Variants in NOTCH3 observed in about 807,000 individuals in gnomAD.
The protein encoded by NOTCH3 is neurogenic locus notch homolog protein 3.
In NOTCH3, 86 loss-of-function variants were observed where a neutral mutation model predicts 213.3. That is an observed-to-expected ratio of 0.40 (90% CI 0.34 to 0.48). NOTCH3 has a LOEUF of 0.48. Among genes scored for constraint, NOTCH3 ranks in the 20% least tolerant of loss-of-function variants. NOTCH3 has a pLI of 0.57. For missense variants in NOTCH3, 2,783 were observed against 3,272.6 expected, an observed-to-expected ratio of 0.85 and a Z score of 3.65; for synonymous variants, 1,354 against 1,355.9, an observed-to-expected ratio of 1.00 and a Z score of 0.03.
In NOTCH3 at chr19:15,175,767, A is replaced by AG. The variant is rs568060092; in HGVS notation, c.4404-1368dup. Among the ~76,000 whole-genome samples the AG allele has an allele frequency of 3.1e-3, 468 of 151,492 alleles. 1 individual carries two copies. The highest frequency in any genetic ancestry group is 0.01 in the Middle Eastern group (3 of 292). Reference sequence around the variant, plus strand: ...GGTGAGGGAGGAGCCATGTGGGGGAAGGGAACAGCCAGGCAGTAGGAACAG... The same window carrying AG: ...GGTGAGGGAGGAGCCATGTGGGGGAAGGGGAACAGCCAGGCAGTAGGAACAG... On this transcript the variant is annotated intron_variant, in intron 24 of 32. Transcript: ENST00000263388.
intron 3 of NOTCH3, 33 bp from the exon 4 acceptor site, chr19:15,192,331 T>C (rs1310821477): frequency 6.2e-7 from 1 of 1,612,184 alleles, no homozygotes; most frequent in Non-Finnish European, 8.5e-7. Context: ...AGTTTAGGAC[T>C]GACCACACCC....
Position 15,162,445 on chromosome 19 carries a change from G to C in NOTCH3, c.5913+20C>G. 1 of 1,582,744 alleles carries C rather than the reference G, an allele frequency of 6.3e-7. No individual in the cohort carries two copies. The highest frequency in any genetic ancestry group is 2.2e-5 in the East Asian group (1 of 44,754). ...ACTGTGCCACTGCTGACACCCAGTGGACCAAGGGCTGGGGCTCACCTTGCT... is the reference window on the plus strand; with the variant it reads ...ACTGTGCCACTGCTGACACCCAGTGCACCAAGGGCTGGGGCTCACCTTGCT... On this transcript the variant is annotated intron_variant, in intron 32 of 32. Transcript: ENST00000263388.
intron 19 of NOTCH3, 108 bp from the exon 20 acceptor site, chr19:15,180,364 G>A (rs2046829299): frequency 8.2e-6 from 10 of 1,226,258 alleles, no homozygotes; most frequent in South Asian, 1.3e-5. Flanking sequence ...CCCCAGGATC[G>A]CACCCACACT....
At position 15,185,427 on chromosome 19, in the gene NOTCH3, C is replaced by T. The variant is rs1599387012; in HGVS notation, c.2145-19G>A. 1.2e-6 allele frequency: 2 copies of T among 1,611,760 alleles called. No homozygotes were observed. Among genetic ancestry groups the T allele is most frequent in the Non-Finnish European group, 1.7e-6 (2 of 1,179,084 alleles). On this transcript the variant is annotated intron_variant, in intron 13 of 32. Transcript: ENST00000263388. The surrounding 1 kb of genome is among the most constrained non-coding windows in gnomAD (Gnocchi z 4.2). Reference sequence around the variant, plus strand: ...GCGGAACCTGGCAGGGGAAGGTAGTCAGGCCAGGGAGGTGGGCCAGGGAGA... The same window carrying T: ...GCGGAACCTGGCAGGGGAAGGTAGTTAGGCCAGGGAGGTGGGCCAGGGAGA...
At chr19:15,184,125 G>A (rs190230811) in intron 16 of NOTCH3, among the ~76,000 whole-genome samples, 170 bp downstream of exon 16, 34 of 150,928 alleles carry the variant, frequency 2.3e-4, no homozygotes, top group South Asian at 4.2e-4. Flanking sequence ...CGTTCCATGG[G>A]CTTGCACAAG....
intron 1 of NOTCH3, among the ~76,000 whole-genome samples, chr19:15,199,956 T>C (rs952711563): frequency 2.0e-5 from 3 of 151,376 alleles, no homozygotes; most frequent in Non-Finnish European, 4.4e-5. Context: ...TCCCGCTTTG[T>C]CTGGCAAAGA....
intron 31 of NOTCH3, 119 bp from the exon 32 acceptor site, chr19:15,162,681 T>A: frequency 1.4e-6 from 1 of 740,190 alleles, no homozygotes; most frequent in Non-Finnish European, 2.4e-6. Flanking sequence ...CTGCCGTGAA[T>A]ATCCAAGTAC....
Position 15,162,446 on chromosome 19 carries a change from A to G in NOTCH3, c.5913+19T>C, listed in dbSNP as rs770681457. ...CTGTGCCACTGCTGACACCCAGTGG[A>G]CCAAGGGCTGGGGCTCACCTTGCTA... On this transcript the variant is annotated intron_variant, in intron 32 of 32. Transcript: ENST00000263388. 6.3e-7 allele frequency: 1 copy of G among 1,588,330 alleles called. No homozygotes were observed. The highest frequency in any genetic ancestry group is 1.1e-5 in the South Asian group (1 of 90,554).
chr19:15,192,397 C>T lies in NOTCH3; in HGVS notation c.320G>A (p.Arg107Gln), dbSNP rs779797350. ...VVAGTARFSC[R>Q]CPRGFRGPDC... ...CTCACCTCGGAAGCCACGGGGGCAC[C>T]GGCATGAGAATCGGGCGGTGCCAGC... The change falls in exon 3 of 33, where the codon CGG (arginine) becomes CAG (glutamine). Residue 107 changes from arginine to glutamine, a missense_variant. By Grantham distance (43) the Arg-to-Gln change is conservative. Transcript: ENST00000263388. 22 of 1,612,768 alleles carry T rather than the reference C, an allele frequency of 1.4e-5. No homozygotes were observed. Among genetic ancestry groups the T allele is most frequent in the Middle Eastern group, 1.6e-4 (1 of 6,080 alleles).
At chr19:15,176,080 C>G (rs1332900037) in intron 24 of NOTCH3, among the ~76,000 whole-genome samples, 1 of 151,126 alleles carries the variant, frequency 6.6e-6, no homozygotes, top group East Asian at 1.9e-4. Context: ...AAAAAGAGTG[C>G]ATGGATGGAC....
In NOTCH3 at chr19:15,191,613, T is replaced by A; in HGVS notation, c.847A>T (p.Asn283Tyr). 6.2e-7 allele frequency: 1 copy of A among 1,613,262 alleles called. No individual in the cohort carries two copies. Among genetic ancestry groups the A allele is most frequent in the Non-Finnish European group, 8.5e-7 (1 of 1,179,994 alleles). Residue 283 changes from asparagine (N) to tyrosine (Y), a missense_variant, in exon 6 of 33, where the codon AAC (asparagine) becomes TAC (tyrosine). Coordinates refer to ENST00000263388, the MANE Select transcript of NOTCH3 (RefSeq NM_000435.3). ...CAGGTACCCCCATTGTGGCAGGCGT[T>A]GGGCTGCAGCTGACACTCATCCACG... ...EDVDECQLQPNACHNGGTCFN... is the reference protein window; with the variant it reads ...EDVDECQLQPYACHNGGTCFN...
chr19:15,178,335 A>G (rs2046809919), intron 23 of NOTCH3: 2 of 497,610 alleles, frequency 4.0e-6, no homozygotes, highest in Non-Finnish European at 7.1e-6. Context: ...ACGCCCCCCA[A>G]TCACCATCCT....
Position 15,161,402 on chromosome 19 carries a change from C to T in NOTCH3, c.6226G>A (p.Gly2076Arg). 3.3e-6 allele frequency: 5 copies of T among 1,523,974 alleles called. No individual in the cohort carries two copies. Among genetic ancestry groups the T allele is most frequent in the Non-Finnish European group, 4.4e-6 (5 of 1,136,084 alleles). 94.4% of individuals were successfully genotyped at this position (1,523,974 alleles called of 1,614,324 possible). A position where few individuals can be genotyped will look rare whatever the true frequency, so the allele number is the denominator to read the frequency against. The change falls in exon 33 of 33, where the codon GGG becomes AGG. Residue 2076 changes from glycine (G) to arginine (R), a missense_variant. Gly to Arg is a moderately radical substitution (Grantham distance 125). Transcript: ENST00000263388. ...AGCTTCTTGCCCCGCCCCCGGGGCC[C>T]CTGCGGCCCCAGCCCCGCCTTCCCG... ...PPGKAGLGPQ[G>R]PRGRGKKLTL...
chr19:15,188,942 C>T (rs1342636386), intron 8 of NOTCH3, 47 bp downstream of exon 8: 1 of 1,569,770 alleles, frequency 6.4e-7, no homozygotes, highest in Non-Finnish European at 8.6e-7. Flanking sequence ...GCTTCTCTGT[C>T]CCCGCCCCCT....
intron 6 of NOTCH3, among the ~76,000 whole-genome samples, chr19:15,190,274 AAAAAT>A (rs140836449): frequency 0.014 from 2,143 of 152,302 alleles, 31 homozygotes; most frequent in African/African-American, 0.048. Context: ...ACTCTGTCTC[AAAAAT>A]AAAATAAAAT....
intron 25 of NOTCH3, among the ~76,000 whole-genome samples, chr19:15,172,572 C>A (rs1053012739): frequency 5.3e-5 from 8 of 152,088 alleles, no homozygotes; most frequent in Middle Eastern, 3.2e-3. Context: ...AGACCCACCC[C>A]TCTCAGGTCT....
chr19:15,165,485 C>T lies in NOTCH3; in HGVS notation c.5698G>A (p.Asp1900Asn), dbSNP rs2046678282. 4 of 1,612,836 alleles carry T rather than the reference C, an allele frequency of 2.5e-6. No individual in the cohort carries two copies. The highest frequency in any genetic ancestry group is 3.4e-6 in the Non-Finnish European group (4 of 1,180,028). Residue 1900 changes from aspartate (D) to asparagine (N), a missense_variant, in exon 31 of 33, where the codon GAT (aspartate) becomes AAT (asparagine). Coordinates refer to ENST00000263388, the MANE Select transcript of NOTCH3 (RefSeq NM_000435.3). The surrounding 1 kb of genome is among the most constrained non-coding windows in gnomAD (Gnocchi z 4.7). ...ILIRNRSTDL[D>N]ARMADGSTAL... is the part of the protein sequence containing the mutation. ...GTTGAGCCATCTGCCATGCGGGCAT[C>T]CAAGTCTGTAGAGCGGTTTCGGATG...
chr19:15,174,424 G>A (rs1414020276), intron 24 of NOTCH3, 24 bp from the exon 25 acceptor site: 2 of 1,491,634 alleles, frequency 1.3e-6, no homozygotes, highest in Admixed American at 4.2e-5. Context: ...GTGAGGCAGA[G>A]AGGGGCGGAG....
At position 15,185,692 on chromosome 19, in the gene NOTCH3, C is replaced by T. The variant is rs1408641518; in HGVS notation, c.1952-13G>A. ...TTACAAAGGGGCCCTGGGGAGTACA[C>T]AAGCAATCTCATCTCAGAACAAAGT... On this transcript the variant is annotated splice_polypyrimidine_tract_variant and intron_variant, in intron 12 of 32. Coordinates refer to ENST00000263388, the MANE Select transcript of NOTCH3 (RefSeq NM_000435.3). The surrounding 1 kb of genome is among the most constrained non-coding windows in gnomAD (Gnocchi z 4.2). The T allele has an allele frequency of 1.9e-6, 3 of 1,612,292 alleles. No homozygotes were observed. The African/African-American group carries it at 4.0e-5, about 22-fold the overall frequency.
Sources: allele counts gnomAD v4.1 joint callset (sites outside exome capture counted in the v4.1 genomes callset), GRCh38; gene constraint gnomAD v4.1.1; non-coding constraint Gnocchi (gnomAD v3.1); transcripts MANE v1.5; gene names NCBI Gene and HGNC (gene_info 2026-07-23, HGNC 2026-07-21).